Variants in KCNAB2 observed in about 807,000 individuals in gnomAD.
KCNAB2 encodes the protein potassium voltage-gated channel subfamily A regulatory beta subunit 2, also known as voltage-gated potassium channel subunit beta-2.
A neutral mutation model predicts 63.6 loss-of-function variants in KCNAB2; 29 were observed. The ratio of observed to expected loss-of-function variants is 0.46; its 90% CI spans 0.34 to 0.62. KCNAB2 has a LOEUF of 0.62. Ranked by LOEUF, KCNAB2 falls within the 20% of genes least tolerant of loss-of-function variation. The pLI, the probability that KCNAB2 is intolerant of heterozygous loss-of-function variation, is 0.01. For synonymous variants in KCNAB2, 222 were observed against 224.2 expected (o/e 0.99, Z 0.09); for missense variants, 359 against 563.9 (o/e 0.64, Z 3.68).
In KCNAB2 at chr1:6,069,684, C is replaced by T. The variant is rs1369252461; in HGVS notation, c.219-3071C>T. On this transcript the variant is annotated intron_variant, in intron 2 of 15. Transcript: ENST00000378083. This position sits in a 1 kb window ranked among gnomAD's most constrained non-coding sequence, Gnocchi z 5.4. ...CATCCAGACCCGGCTGAGACGTGTG[C>T]TCCCCACCCCACACGCAGCAGCCAT... 6.6e-6 allele frequency among the ~76,000 whole-genome samples: 1 copy of T among 152,190 alleles called. No homozygotes were observed. The highest frequency in any genetic ancestry group is 1.5e-5 in the Non-Finnish European group (1 of 68,034).
chr1:6,015,861 C>T (rs902820534), intron 1 of KCNAB2, among the ~76,000 whole-genome samples: 1 of 152,088 alleles, frequency 6.6e-6, no homozygotes, highest in Non-Finnish European at 1.5e-5. Flanking sequence ...TGCGCCACCA[C>T]GCCTGGCTAA....
intron 1 of KCNAB2, chr1:6,036,039 C>G (rs1299895571): frequency 1.3e-5 from 2 of 152,224 alleles, no homozygotes; most frequent in Non-Finnish European, 2.9e-5. Context: ...AAGAGGTCAC[C>G]GCAACCTTGG....
At chr1:6,061,185 C>T (rs2100590995) in intron 2 of KCNAB2, among the ~76,000 whole-genome samples, 1 of 152,356 alleles carries the variant, frequency 6.6e-6, no homozygotes, top group East Asian at 1.9e-4. Context: ...GGCTGCTCTC[C>T]AGTGAATCAC....
chr1:6,011,049 G>A (rs886996053), intron 1 of KCNAB2, among the ~76,000 whole-genome samples: 1 of 152,212 alleles, frequency 6.6e-6, no homozygotes, highest in African/African-American at 2.4e-5. Context: ...CCACCACCAG[G>A]ACGACCACTG....
chr1:6,084,644 C>G (rs374900717), intron 5 of KCNAB2, among the ~76,000 whole-genome samples: 1 of 152,144 alleles, frequency 6.6e-6, no homozygotes, highest in South Asian at 2.1e-4. Context: ...AGTGAAACCC[C>G]GTCTCTACTA....
At position 6,100,059 on chromosome 1, in the gene KCNAB2, C is replaced by G; in HGVS notation, c.*1485C>G. 6.0e-6 allele frequency: 9 copies of G among 1,493,612 alleles called. No individual in the cohort carries two copies. The highest frequency in any genetic ancestry group is 8.0e-6 in the Non-Finnish European group (9 of 1,119,530). 92.5% of individuals were successfully genotyped at this position (1,493,612 alleles called of 1,614,324 possible). A position where few individuals can be genotyped will look rare whatever the true frequency, so the allele number is the denominator to read the frequency against. ...TGTGTCTCCTGCCCCCAGGGCGCAC[C>G]CTCAGTGCAGGCACCTCTGTTCCCG... is the stretch of plus-strand genomic sequence containing the variant. On this transcript the variant is annotated 3_prime_UTR_variant, in exon 16 of 16. Coordinates refer to ENST00000378083, the MANE Select transcript of KCNAB2 (RefSeq NM_001199862.2).
intron 1 of KCNAB2, among the ~76,000 whole-genome samples, chr1:6,025,841 GCACACAGCCGATCCCGGCACA>G (rs1659116786): frequency 8.4e-6 from 1 of 119,322 alleles, no homozygotes; most frequent in African/African-American, 3.4e-5. Flanking sequence ...GCCCACCCCA[GCACACAGCCGATCCCGGCACA>G]CAGCCGATCC....
intron 1 of KCNAB2, among the ~76,000 whole-genome samples, chr1:5,997,721 G>A (rs190844255): frequency 6.0e-4 from 91 of 152,342 alleles, no homozygotes; most frequent in African/African-American, 2.1e-3. Context: ...CTCAGCCGTG[G>A]CAGGGGCTCT....
chr1:6,007,855 G>C (rs529096457), intron 1 of KCNAB2, among the ~76,000 whole-genome samples: 1 of 152,330 alleles, frequency 6.6e-6, no homozygotes, highest in South Asian at 2.1e-4. Flanking sequence ...GAGCCCAACA[G>C]ATGCAGAGGC....
At chr1:6,079,658 G>A (rs1184664226) in intron 4 of KCNAB2, among the ~76,000 whole-genome samples, 1 of 152,186 alleles carries the variant, frequency 6.6e-6, no homozygotes, top group Non-Finnish European at 1.5e-5. Context: ...TGTCTAAGGT[G>A]CCTAGAGTAG....
At chr1:6,042,810 T>C (rs1356006158), upstream of KCNAB2, among the ~76,000 whole-genome samples, 2 of 148,976 alleles carry the variant, frequency 1.3e-5, no homozygotes, top group South Asian at 2.1e-4. Flanking sequence ...TGTATTTCCA[T>C]GTAGCTTTTC....
At chr1:6,054,122 G>A (rs1273459661) in intron 2 of KCNAB2, among the ~76,000 whole-genome samples, 1 of 152,068 alleles carries the variant, frequency 6.6e-6, no homozygotes, top group Non-Finnish European at 1.5e-5. Flanking sequence ...TTAAGATGGG[G>A]CAATGGGGCC....
intron 4 of KCNAB2, among the ~76,000 whole-genome samples, chr1:6,075,976 G>A (rs938881449): frequency 5.9e-5 from 9 of 152,196 alleles, no homozygotes; most frequent in African/African-American, 1.9e-4. Flanking sequence ...ACATAGCCAC[G>A]CCCATCATTT....
At chr1:6,005,957 T>C (rs113410513) in intron 1 of KCNAB2, among the ~76,000 whole-genome samples, 3,289 of 7,340 alleles carry the variant, frequency 0.45, 822 homozygotes, top group Middle Eastern at 0.67. Context: ...GCTCAGCTCC[T>C]ACATTTCCCA....
chr1:6,022,879 C>CTTTTTTTTTTTT (rs34874871), intron 1 of KCNAB2, among the ~76,000 whole-genome samples: 1 of 86,990 alleles, frequency 1.1e-5, no homozygotes, highest in Non-Finnish European at 2.2e-5. Context: ...TTTTGCTTAT[C>CTTTTTTTTTTTT]TTTTTTTTTT....
At position 6,072,780 on chromosome 1, in the gene KCNAB2, G is replaced by A. The variant is rs1178594942; in HGVS notation, c.244G>A (p.Val82Ile). 5.0e-6 allele frequency: 8 copies of A among 1,613,952 alleles called. No homozygotes were observed. Among genetic ancestry groups the A allele is most frequent in the African/African-American group, 1.3e-5 (1 of 74,994 alleles). The change falls in exon 3 of 16, where the codon GTC becomes ATC. Residue 82 changes from valine to isoleucine, a missense_variant. Physicochemically the swap from Val to Ile is conservative, Grantham distance 29 (BLOSUM62 3). Transcript: ENST00000378083. The stretch of plus-strand genomic sequence containing the variant: ...GAACCTGGGCAAGTCTGGCCTGCGG[G>A]TCTCCTGCCTGGGACTTGGTGAGTG... ...YRNLGKSGLR[V>I]SCLGLGTWVT...
At chr1:6,020,798 C>T (rs906827670) in intron 1 of KCNAB2, among the ~76,000 whole-genome samples, 1 of 152,174 alleles carries the variant, frequency 6.6e-6, no homozygotes, top group Non-Finnish European at 1.5e-5. Flanking sequence ...TCCTGAGTAG[C>T]TGGGATTACA....
At chr1:6,006,466 C>G (rs868267800) in intron 1 of KCNAB2, among the ~76,000 whole-genome samples, 6 of 218 alleles carry the variant, frequency 0.028, no homozygotes, top group African/African-American at 0.083. Context: ...CTCAGCTCAG[C>G]TCCCACGTCC....
chr1:6,096,388 A>C lies in KCNAB2; in HGVS notation c.949-248A>C. On this transcript the variant is annotated intron_variant, in intron 13 of 15. Coordinates refer to ENST00000378083, the MANE Select transcript of KCNAB2 (RefSeq NM_001199862.2). This position sits in a 1 kb window ranked among gnomAD's most constrained non-coding sequence, Gnocchi z 5.9. Reference sequence around the variant, plus strand: ...CCTTGTCCTGACTTGGGGTTGGGCCAGCACCACAGTCTTTGCACTTCAGAG... The same window carrying C: ...CCTTGTCCTGACTTGGGGTTGGGCCCGCACCACAGTCTTTGCACTTCAGAG... The C allele has an allele frequency of 1.8e-6, 1 of 570,900 alleles. No individual in the cohort carries two copies. Among genetic ancestry groups the C allele is most frequent in the South Asian group, 2.0e-5 (1 of 49,216 alleles). The allele number at this position is 570,900 out of a possible 1,614,324, so 35.4% of individuals were successfully genotyped here.
Sources: allele counts gnomAD v4.1 joint callset (sites outside exome capture counted in the v4.1 genomes callset), GRCh38; gene constraint gnomAD v4.1.1; non-coding constraint Gnocchi (gnomAD v3.1); transcripts MANE v1.5; gene names NCBI Gene and HGNC (gene_info 2026-07-23, HGNC 2026-07-21).